The following LIMS1 variants were observed in gnomAD, a reference collection of about 807,000 sequenced individuals.
LIMS1 encodes the protein LIM and senescent cell antigen-like-containing domain protein 1.
Under a neutral mutation model 44.1 loss-of-function variants are expected in LIMS1, and 18 were observed. The observed-to-expected ratio is 0.41, with a 90% CI of 0.28 to 0.61. The LOEUF is 0.61. Among genes scored for constraint, LIMS1 ranks in the 20% least tolerant of loss-of-function variants. LIMS1 has a pLI of 0.32. For synonymous variants in LIMS1, 93 were observed against 149.1 expected (o/e 0.62, Z 2.74); for missense variants, 201 against 422.0 (o/e 0.48, Z 4.59).
rs76731522 is a variant in LIMS1, at chr2:108,559,267, G to C, written c.32+24673G>C. Among the ~76,000 whole-genome samples the C allele has an allele frequency of 4.4e-3, 671 of 152,264 alleles. 4 individuals carry two copies. The highest frequency in any genetic ancestry group is 0.014 in the South Asian group (68 of 4,828). On this transcript the variant is annotated intron_variant, in intron 1 of 9. Transcript: ENST00000544547. ...AGAAATGCTAGCCTGGAAAATGTGA[G>C]AATTGGTTCCTGAGAATTGTTAAAT...
intron 1 of LIMS1, among the ~76,000 whole-genome samples, chr2:108,619,700 CA>C (rs201085445): frequency 0.018 from 2,737 of 152,080 alleles, 46 homozygotes; most frequent in African/African-American, 0.039. Flanking sequence ...CAAAACAAAA[CA>C]AAACAAAAAG....
intron 1 of LIMS1, among the ~76,000 whole-genome samples, chr2:108,632,031 G>A (rs1200245710): frequency 1.3e-5 from 2 of 152,174 alleles, no homozygotes; most frequent in African/African-American, 4.8e-5. Flanking sequence ...GAGTGCAGTG[G>A]TGCAATCTTG....
At chr2:108,607,094 T>A in intron 1 of LIMS1, 1 of 771,972 alleles carries the variant, frequency 1.3e-6, no homozygotes, top group East Asian at 2.7e-5. Context: ...GAACAGAGCT[T>A]TCATGAATGA....
At chr2:108,623,459 C>G (rs1688374743) in intron 1 of LIMS1, among the ~76,000 whole-genome samples, 1 of 146,674 alleles carries the variant, frequency 6.8e-6, no homozygotes, top group African/African-American at 2.6e-5. Context: ...ACATTATTTA[C>G]TCTCTCACAG....
At chr2:108,686,932 G>A (rs1042697550) in exon 10 of LIMS1, 3 of 152,156 alleles carry the variant, frequency 2.0e-5, no homozygotes, top group African/African-American at 7.2e-5. Flanking sequence ...CATTGTTCAT[G>A]CCAAAATTCT....
intron 1 of LIMS1, among the ~76,000 whole-genome samples, chr2:108,630,569 C>T (rs1005376378): frequency 2.6e-5 from 4 of 152,174 alleles, no homozygotes; most frequent in South Asian, 2.1e-4. Flanking sequence ...CGTATCATGA[C>T]GAATGGCACA....
intron 1 of LIMS1, among the ~76,000 whole-genome samples, chr2:108,644,355 G>C (rs1689918276): frequency 1.3e-5 from 2 of 152,146 alleles, no homozygotes; most frequent in South Asian, 4.1e-4. Flanking sequence ...AGGCAAACAG[G>C]GTCTGGAGCG....
chr2:108,542,120 G>A (rs1037777942), intron 1 of LIMS1, among the ~76,000 whole-genome samples: 1 of 152,158 alleles, frequency 6.6e-6, no homozygotes, highest in Non-Finnish European at 1.5e-5. Context: ...TGTCTTTGAC[G>A]TTGTTTGAAT....
intron 1 of LIMS1, among the ~76,000 whole-genome samples, chr2:108,549,673 T>C (rs1407173738): frequency 6.6e-6 from 1 of 152,208 alleles, no homozygotes; most frequent in Admixed American, 6.5e-5. Context: ...ACTTTCCATA[T>C]TAATATATAG....
chr2:108,550,723 G>A (rs1352312214), intron 1 of LIMS1, among the ~76,000 whole-genome samples: 1 of 151,772 alleles, frequency 6.6e-6, no homozygotes, highest in South Asian at 2.1e-4. Context: ...GGTTGAGGCA[G>A]GGGAATGGCG....
At chr2:108,608,390 C>T (rs1034953244) in intron 1 of LIMS1, among the ~76,000 whole-genome samples, 2 of 151,526 alleles carry the variant, frequency 1.3e-5, no homozygotes, top group African/African-American at 4.9e-5. Context: ...ACTGAAACCT[C>T]CGCCTCCCGG....
intron 1 of LIMS1, among the ~76,000 whole-genome samples, chr2:108,558,200 C>A (rs1375898358): frequency 3.3e-5 from 5 of 150,776 alleles, no homozygotes; most frequent in Non-Finnish European, 7.4e-5. Flanking sequence ...ATCAGCCCAC[C>A]TGAAGATTTG....
intron 1 of LIMS1, among the ~76,000 whole-genome samples, chr2:108,602,974 G>A (rs1386583867): frequency 1.3e-5 from 2 of 152,016 alleles, no homozygotes; most frequent in African/African-American, 4.8e-5. Flanking sequence ...TATTTTTAGG[G>A]TTTCGTCATG....
rs190393950 is a variant in LIMS1 at position 108,653,097 on chromosome 2, T to C, written c.33-6508T>C. Among the ~76,000 whole-genome samples, 9 of 152,314 alleles carry C rather than the reference T, an allele frequency of 5.9e-5. No individual in the cohort carries two copies. The South Asian group carries it at 1.7e-3, about 28-fold the overall frequency. On this transcript the variant is annotated intron_variant, in intron 1 of 9. Coordinates refer to ENST00000544547, the Ensembl canonical transcript of LIMS1. Reference sequence around the variant, plus strand: ...TGAGTTCTTGACCTATCCTCTGAGATTTTTAGGGTTCAAAGTAGAAAGACT... The same window carrying C: ...TGAGTTCTTGACCTATCCTCTGAGACTTTTAGGGTTCAAAGTAGAAAGACT...
At chr2:108,654,394 C>T (rs2148953419) in intron 1 of LIMS1, among the ~76,000 whole-genome samples, 1 of 152,010 alleles carries the variant, frequency 6.6e-6, no homozygotes, top group African/African-American at 2.4e-5. Context: ...CACTTGTGCC[C>T]ATTCATTGAA....
At chr2:108,551,105 C>T (rs1303983582) in intron 1 of LIMS1, among the ~76,000 whole-genome samples, 1 of 151,932 alleles carries the variant, frequency 6.6e-6, no homozygotes, top group Non-Finnish European at 1.5e-5. Flanking sequence ...CCAGCCTGGG[C>T]GACAGAGCAA....
intron 1 of LIMS1, among the ~76,000 whole-genome samples, chr2:108,605,112 T>C (rs1687204081): frequency 6.6e-6 from 1 of 152,170 alleles, no homozygotes; most frequent in South Asian, 2.1e-4. Context: ...ACCTGAGAGC[T>C]AGAGATGCAA....
intron 1 of LIMS1, among the ~76,000 whole-genome samples, chr2:108,575,304 T>G (rs144508655): frequency 5.2e-4 from 79 of 152,304 alleles, no homozygotes; most frequent in Non-Finnish European, 5.0e-4. Context: ...CGTTAGAATG[T>G]GAGCTAATCA....
exon 10 of LIMS1, chr2:108,685,737 T>C (rs1693263952): frequency 6.6e-6 from 1 of 152,210 alleles, no homozygotes; most frequent in Non-Finnish European, 1.5e-5. Flanking sequence ...TCAGTGTGCC[T>C]TTGTCAGCTA....
Sources: gnomAD v4.1 joint callset for allele counts (sites outside exome capture counted in the v4.1 genomes callset) on GRCh38, gnomAD v4.1.1 for gene constraint, MANE v1.5 for transcripts, NCBI Gene and HGNC (gene_info 2026-07-23, HGNC 2026-07-21) for gene names.